Variants in PCDHGB1 observed in about 807,000 individuals in gnomAD.
The protein encoded by PCDHGB1 is protocadherin gamma-B1.
In PCDHGB1, 34 loss-of-function variants were observed where a neutral mutation model predicts 56.6. The ratio of observed to expected loss-of-function variants is 0.60; its 90% CI spans 0.46 to 0.80. The LOEUF is 0.80. Among genes scored for constraint, PCDHGB1 ranks in the 30% least tolerant of loss-of-function variants. PCDHGB1 has a pLI of 0.00. For synonymous variants in PCDHGB1, 561 were observed against 505.9 expected (o/e 1.11, Z -1.46); for missense variants, 1,278 against 1,204.6 (o/e 1.06, Z -0.90).
intron 1 of PCDHGB1, chr5:141,356,921 G>T (rs767463186): frequency 6.2e-7 from 1 of 1,613,978 alleles, no homozygotes; most frequent in Non-Finnish European, 8.5e-7. Context: ...GGCTCCACTG[G>T]TGTGGAGCTG....
chr5:141,362,282 G>C lies in PCDHGB1; in HGVS notation c.2409+9613G>C, dbSNP rs750712376. The C allele has an allele frequency of 2.5e-6, 4 of 1,613,920 alleles. No homozygotes were observed. In the East Asian group the frequency reaches 8.9e-5, roughly 36 times the overall value. ...ATTCTGGCAATCTCCCTGCGCCTGC[G>C]ACTCTCTTCCAGGTCAGATGCTTGG... On this transcript the variant is annotated intron_variant, in intron 1 of 3. Transcript: ENST00000523390.
rs539901154 is a variant in PCDHGB1, at chr5:141,413,036, T to C, written c.2409+60367T>C. 238 of 805,778 alleles carry C rather than the reference T, an allele frequency of 3.0e-4. 1 individual carries two copies. Among genetic ancestry groups the C allele is most frequent in the Non-Finnish European group, 4.2e-4 (226 of 532,568 alleles). 49.9% of individuals were successfully genotyped at this position (805,778 alleles called of 1,614,324 possible). On this transcript the variant is annotated intron_variant, in intron 1 of 3. Transcript: ENST00000523390. ...TACACAAGCCCCACAAACCGGCTGC[T>C]GGGCTGCAGGGAAGCTCACTCCAGA...
Position 141,483,506 on chromosome 5 carries a change from T to A in PCDHGB1, c.2410-11301T>A, listed in dbSNP as rs964063329. ...AGGGACAGGGATGAGTCAAGGCTGA[T>A]CCCCCTAGATCCTGACTAAGGAAGC... On this transcript the variant is annotated intron_variant, in intron 1 of 3. Coordinates refer to ENST00000523390, the MANE Select transcript of PCDHGB1 (RefSeq NM_018922.3). Among the ~76,000 whole-genome samples the A allele has an allele frequency of 2.7e-5, 4 of 148,396 alleles. No individual in the cohort carries two copies. In the South Asian group the frequency reaches 8.5e-4, roughly 32 times the overall value.
At chr5:141,442,694 C>A (rs549307212) in intron 1 of PCDHGB1, among the ~76,000 whole-genome samples, 22 of 152,304 alleles carry the variant, frequency 1.4e-4, no homozygotes, top group Non-Finnish European at 3.1e-4. Flanking sequence ...GTCAGGCAGA[C>A]AAGAGTATCA....
At position 141,485,227 on chromosome 5, in the gene PCDHGB1, G is replaced by C. The variant is rs2099609828; in HGVS notation, c.2410-9580G>C. 1 of 1,614,186 alleles carries C rather than the reference G, an allele frequency of 6.2e-7. No individual in the cohort carries two copies. Among genetic ancestry groups the C allele is most frequent in the Non-Finnish European group, 8.5e-7 (1 of 1,180,020 alleles). On this transcript the variant is annotated intron_variant, in intron 1 of 3. Transcript: ENST00000523390. The surrounding 1 kb of genome is among the most constrained non-coding windows in gnomAD (Gnocchi z 5.7). The stretch of plus-strand genomic sequence containing the variant: ...AAATCTGGCGGTGGGCTACCCTTTT[G>C]TTCCTCTTTTACCACCTGGGTTACG...
intron 1 of PCDHGB1, chr5:141,374,416 G>T (rs1770482486): frequency 6.2e-7 from 1 of 1,613,830 alleles, no homozygotes; most frequent in Non-Finnish European, 8.5e-7. Flanking sequence ...TCCTTGTCGA[G>T]GATAAACTGA....
intron 1 of PCDHGB1, chr5:141,433,253 G>T: frequency 7.1e-7 from 1 of 1,416,466 alleles, no homozygotes; most frequent in South Asian, 1.3e-5. Flanking sequence ...GAATGCAGCG[G>T]TACGATCATA....
chr5:141,370,642 A>G (rs944377529), intron 1 of PCDHGB1: 1 of 1,613,836 alleles, frequency 6.2e-7, no homozygotes, highest in Non-Finnish European at 8.5e-7. Context: ...GAAAATGGGA[A>G]CTTACTTGTG....
At chr5:141,362,516 G>C (rs1284442105) in intron 1 of PCDHGB1, 1 of 1,613,984 alleles carries the variant, frequency 6.2e-7, no homozygotes, top group Admixed American at 1.7e-5. Flanking sequence ...ACAAATCATG[G>C]AGCCGCTGGG....
chr5:141,366,392 G>A (rs1474350947), intron 1 of PCDHGB1: 24 of 1,614,020 alleles, frequency 1.5e-5, no homozygotes, highest in Non-Finnish European at 1.9e-5. Flanking sequence ...TGAGGATCTG[G>A]ACCTCACACT....
In PCDHGB1 at chr5:141,431,501, C is replaced by G; in HGVS notation, c.2410-63306C>G. On this transcript the variant is annotated intron_variant, in intron 1 of 3. Coordinates refer to ENST00000523390, the MANE Select transcript of PCDHGB1 (RefSeq NM_018922.3). This position sits in a 1 kb window ranked among gnomAD's most constrained non-coding sequence, Gnocchi z 4.8. ...ACCAGCGTTTGCTCAGCCCGAGTAC[C>G]GCGCGAGCGTTCCGGAGAATCTGGC... is the stretch of plus-strand genomic sequence containing the variant. 1 of 1,614,010 alleles carries G rather than the reference C, an allele frequency of 6.2e-7. No homozygotes were observed. The highest frequency in any genetic ancestry group is 8.5e-7 in the Non-Finnish European group (1 of 1,180,034).
intron 1 of PCDHGB1, chr5:141,389,767 G>T: frequency 1.2e-6 from 2 of 1,613,028 alleles, no homozygotes; most frequent in Non-Finnish European, 1.7e-6. Context: ...CGCACAGCGC[G>T]TGCCTTAGGC....
intron 1 of PCDHGB1, chr5:141,393,009 A>T: frequency 6.2e-7 from 1 of 1,613,898 alleles, no homozygotes. Flanking sequence ...CGGAGTCCGT[A>T]TCGTCTCCAG....
chr5:141,482,728 A>T (rs192207285), intron 1 of PCDHGB1, among the ~76,000 whole-genome samples: 97 of 128,396 alleles, frequency 7.6e-4, no homozygotes, highest in Admixed American at 3.3e-3. Context: ...GGGCCATTGC[A>T]AGAAATTCCA....
At chr5:141,364,372 G>A in intron 1 of PCDHGB1, 1 of 1,572,570 alleles carries the variant, frequency 6.4e-7, no homozygotes, top group African/African-American at 1.4e-5. Flanking sequence ...GAGAGCTGCT[G>A]CTGCCCTTCA....
At chr5:141,357,454 A>T in intron 1 of PCDHGB1, 1 of 1,614,090 alleles carries the variant, frequency 6.2e-7, no homozygotes, top group Non-Finnish European at 8.5e-7. Context: ...TTTCCTGCAG[A>T]CCTATTCCCA....
At chr5:141,421,080 C>CA (rs2096545590) in intron 1 of PCDHGB1, 1 of 638,250 alleles carries the variant, frequency 1.6e-6, no homozygotes, top group East Asian at 2.9e-5. Context: ...GATGGATACT[C>CA]ACAGATCCTG....
intron 1 of PCDHGB1, chr5:141,433,025 G>A: frequency 6.2e-7 from 1 of 1,614,144 alleles, no homozygotes; most frequent in Non-Finnish European, 8.5e-7. Context: ...CTATTCCCAC[G>A]AGGTTTCCCT....
rs752796935 is a variant in PCDHGB1, at chr5:141,399,900, C to T, written c.2409+47231C>T. ...TGGTGACCAAGGTAGTGGCCGTGGACGCAGACTCAGGACACAACGCCTGGC... is the reference window on the plus strand; with the variant it reads ...TGGTGACCAAGGTAGTGGCCGTGGATGCAGACTCAGGACACAACGCCTGGC... On this transcript the variant is annotated intron_variant, in intron 1 of 3. Coordinates refer to ENST00000523390, the MANE Select transcript of PCDHGB1 (RefSeq NM_018922.3). The T allele has an allele frequency of 7.4e-6, 12 of 1,612,414 alleles. 1 individual carries two copies. In the South Asian group the frequency reaches 9.9e-5, roughly 13 times the overall value.
Sources: gnomAD v4.1 joint callset for allele counts (sites outside exome capture counted in the v4.1 genomes callset) on GRCh38, gnomAD v4.1.1 for gene constraint, Gnocchi (gnomAD v3.1) non-coding constraint, MANE v1.5 for transcripts, NCBI Gene and HGNC (gene_info 2026-07-23, HGNC 2026-07-21) for gene names.